The following LPP variants were observed in gnomAD, a reference collection of about 807,000 sequenced individuals.
The protein encoded by LPP is lipoma-preferred partner.
LPP carries 38 observed loss-of-function variants against 60.4 expected under a neutral mutation model. That is an observed-to-expected ratio of 0.63 (90% CI 0.49 to 0.83). The LOEUF (loss-of-function observed/expected upper bound fraction) is 0.83, where lower values mean the gene tolerates loss of function less well. Among genes scored for constraint, LPP ranks in the 40% least tolerant of loss-of-function variants. LPP has a pLI of 0.00. For missense variants in LPP, 902 were observed against 783.6 expected (o/e 1.15, Z -1.80); for synonymous variants, 328 against 290.8 (o/e 1.13, Z -1.30).
At chr3:188,626,283 C>G (rs1846817514) in intron 7 of LPP, among the ~76,000 whole-genome samples, 2 of 152,008 alleles carry the variant, frequency 1.3e-5, no homozygotes, top group South Asian at 4.1e-4. Context: ...TACAATATAA[C>G]AAGTATTTAC....
chr3:188,374,827 G>A (rs1216524663), intron 3 of LPP, among the ~76,000 whole-genome samples: 1 of 152,108 alleles, frequency 6.6e-6, no homozygotes, highest in Admixed American at 6.6e-5. Context: ...CATTCAGTAT[G>A]ATATTGGCTG....
intron 9 of LPP, among the ~76,000 whole-genome samples, chr3:188,771,787 C>T (rs1412176599): frequency 6.6e-6 from 1 of 152,150 alleles, no homozygotes; most frequent in Non-Finnish European, 1.5e-5. Flanking sequence ...TAACTTGAAT[C>T]ACCAAAGGAC....
At chr3:188,697,801 C>A (rs1485988606) in intron 7 of LPP, among the ~76,000 whole-genome samples, 1 of 152,180 alleles carries the variant, frequency 6.6e-6, no homozygotes, top group Non-Finnish European at 1.5e-5. Flanking sequence ...ATAATACTTA[C>A]ATAGGCTAAC....
rs1051861938 is a variant in LPP, at chr3:188,572,143, G to A, written c.430-37018G>A. Among the ~76,000 whole-genome samples, 10 of 151,972 alleles carry A rather than the reference G, an allele frequency of 6.6e-5. No homozygotes were observed. Among genetic ancestry groups the A allele is most frequent in the African/African-American group, 1.2e-4 (5 of 41,390 alleles). Reference sequence around the variant, plus strand: ...TAATTCAAAGGGTTGAAATTTAAACGTAAAGAAATTTTTGGAATGCTTTCA... The same window carrying A: ...TAATTCAAAGGGTTGAAATTTAAACATAAAGAAATTTTTGGAATGCTTTCA... On this transcript the variant is annotated intron_variant, in intron 6 of 11. Transcript: ENST00000617246. This position sits in a 1 kb window ranked among gnomAD's most constrained non-coding sequence, Gnocchi z 4.1.
chr3:188,734,360 A>G (rs1721741762), intron 8 of LPP, among the ~76,000 whole-genome samples: 1 of 152,230 alleles, frequency 6.6e-6, no homozygotes, highest in African/African-American at 2.4e-5. Context: ...TTTATTAGTG[A>G]CATGTAAATT....
At chr3:188,775,053 G>GTTTTT (rs764136747) in intron 9 of LPP, among the ~76,000 whole-genome samples, 2 of 127,658 alleles carry the variant, frequency 1.6e-5, no homozygotes, top group Non-Finnish European at 3.5e-5. Flanking sequence ...TACATGCTTA[G>GTTTTT]TGTTTTTTTT....
intron 8 of LPP, among the ~76,000 whole-genome samples, chr3:188,728,875 GA>G (rs199585319): frequency 1.7e-3 from 241 of 143,698 alleles, no homozygotes; most frequent in South Asian, 6.5e-3. Flanking sequence ...AGTGCTTTCT[GA>G]AAAAAAAAAA....
intron 8 of LPP, among the ~76,000 whole-genome samples, chr3:188,755,117 A>T (rs1221094741): frequency 6.6e-6 from 1 of 152,226 alleles, no homozygotes; most frequent in Non-Finnish European, 1.5e-5. Context: ...CTGATATATC[A>T]TACAATTGGC....
intron 7 of LPP, among the ~76,000 whole-genome samples, chr3:188,687,556 C>G (rs1861062240): frequency 1.3e-5 from 2 of 152,132 alleles, no homozygotes; most frequent in Admixed American, 1.3e-4. Context: ...CCTGCTTCCC[C>G]TTCTGCCATG....
chr3:188,419,376 G>A (rs1454080618), intron 4 of LPP, among the ~76,000 whole-genome samples: 1 of 152,156 alleles, frequency 6.6e-6, no homozygotes, highest in Non-Finnish European at 1.5e-5. Flanking sequence ...TTCTATTTGT[G>A]AAGTGACTCC....
rs533077442 is a variant in LPP, at chr3:188,572,163, C to T, written c.430-36998C>T. ...TAAACGTAAAGAAATTTTTGGAATG[C>T]TTTCATTTGTTGCACTTATATTTTG... On this transcript the variant is annotated intron_variant, in intron 6 of 11. Transcript: ENST00000617246. The surrounding 1 kb of genome is among the most constrained non-coding windows in gnomAD (Gnocchi z 4.1). 1.1e-4 allele frequency among the ~76,000 whole-genome samples: 17 copies of T among 152,068 alleles called. 1 individual carries two copies. In the South Asian group the frequency reaches 3.3e-3, roughly 30 times the overall value.
chr3:188,707,753 T>C (rs777699238), intron 7 of LPP, among the ~76,000 whole-genome samples: 2 of 152,180 alleles, frequency 1.3e-5, no homozygotes, highest in South Asian at 2.1e-4. Context: ...TGTGAGAAAC[T>C]TCTACCTGTA....
intron 9 of LPP, among the ~76,000 whole-genome samples, chr3:188,789,898 A>G (rs922447903): frequency 2.6e-4 from 40 of 152,240 alleles, no homozygotes; most frequent in African/African-American, 9.2e-4. Flanking sequence ...GCCGGCATTT[A>G]TAAGTTCAAT....
At chr3:188,518,096 C>G (rs570517037) in intron 5 of LPP, among the ~76,000 whole-genome samples, 1 of 152,252 alleles carries the variant, frequency 6.6e-6, no homozygotes, top group South Asian at 2.1e-4. Context: ...GTACAGCCTG[C>G]GGAACCATGA....
At chr3:188,377,493 C>T (rs551994775) in intron 3 of LPP, among the ~76,000 whole-genome samples, 42 of 152,242 alleles carry the variant, frequency 2.8e-4, no homozygotes, top group Middle Eastern at 3.4e-3. Context: ...TCCAGTTGAT[C>T]GCATCGGCTA....
intron 3 of LPP, among the ~76,000 whole-genome samples, chr3:188,373,854 G>A (rs571050210): frequency 0.028 from 4,218 of 151,964 alleles, 198 homozygotes; most frequent in African/African-American, 0.098. Context: ...TAACGTTTAA[G>A]TCTTTAATCC....
At chr3:188,518,052 C>A (rs1208023415) in intron 5 of LPP, among the ~76,000 whole-genome samples, 1 of 152,114 alleles carries the variant, frequency 6.6e-6, no homozygotes, top group Non-Finnish European at 1.5e-5. Context: ...TTCTGAGGCC[C>A]TCACCAGAAG....
intron 3 of LPP, among the ~76,000 whole-genome samples, chr3:188,372,365 T>C (rs1773534966): frequency 6.6e-6 from 1 of 152,144 alleles, no homozygotes; most frequent in Admixed American, 6.6e-5. Context: ...ACAAGCTCCT[T>C]CAATCCAATT....
In LPP at chr3:188,587,899, A is replaced by C. The variant is rs577788496; in HGVS notation, c.430-21262A>C. ...TTTGTAAAAACCTCAAACAATACAAAACATGATAATTCCAAATATACAGTA... is the reference window on the plus strand; with the variant it reads ...TTTGTAAAAACCTCAAACAATACAACACATGATAATTCCAAATATACAGTA... On this transcript the variant is annotated intron_variant, in intron 6 of 11. Transcript: ENST00000617246. Among the ~76,000 whole-genome samples the C allele has an allele frequency of 2.0e-5, 3 of 152,342 alleles. No individual in the cohort carries two copies. In the South Asian group the frequency reaches 6.2e-4, roughly 32 times the overall value.
Sources: allele counts gnomAD v4.1 joint callset (sites outside exome capture counted in the v4.1 genomes callset), GRCh38; gene constraint gnomAD v4.1.1; non-coding constraint Gnocchi (gnomAD v3.1); transcripts MANE v1.5; gene names NCBI Gene and HGNC (gene_info 2026-07-23, HGNC 2026-07-21).